Variants in PDE1C observed in about 807,000 individuals in gnomAD.
PDE1C encodes the protein dual specificity calcium/calmodulin-dependent 3',5'-cyclic nucleotide phosphodiesterase 1C.
In PDE1C, 62 loss-of-function variants were observed where a neutral mutation model predicts 93.1. That is an observed-to-expected ratio of 0.67 (90% confidence interval 0.54 to 0.82). The LOEUF (loss-of-function observed/expected upper bound fraction) is 0.82, where lower values mean the gene tolerates loss of function less well. Ranked by LOEUF, PDE1C falls within the 40% of genes least tolerant of loss-of-function variation. The pLI is 0.00. For missense variants in PDE1C, 742 were observed against 884.6 expected (o/e 0.84, Z 2.04); for synonymous variants, 325 against 310.1 (o/e 1.05, Z -0.50).
chr7:32,395,495 G>C (rs1041473705), intron 1 of PDE1C, among the ~76,000 whole-genome samples: 3 of 152,168 alleles, frequency 2.0e-5, no homozygotes, highest in Non-Finnish European at 2.9e-5. Context: ...GGTGAGGTGG[G>C]GGGTAGTGGT....
At chr7:32,340,346 G>A (rs1347453242) in intron 1 of PDE1C, among the ~76,000 whole-genome samples, 1 of 151,942 alleles carries the variant, frequency 6.6e-6, no homozygotes, top group Non-Finnish European at 1.5e-5. Context: ...AGAGAATAGG[G>A]AGTGAATGTG....
intron 2 of PDE1C, among the ~76,000 whole-genome samples, chr7:31,930,681 A>G (rs1804078176): frequency 6.6e-6 from 1 of 151,552 alleles, no homozygotes; most frequent in African/African-American, 2.4e-5. Context: ...TCTACTAAAA[A>G]TACAAAATAA....
chr7:31,803,337 G>A (rs564103054), intron 16 of PDE1C, among the ~76,000 whole-genome samples: 76 of 151,832 alleles, frequency 5.0e-4, no homozygotes, highest in Non-Finnish European at 7.7e-4. Flanking sequence ...TTATGTATTT[G>A]TCTGCTAATT....
intron 3 of PDE1C, among the ~76,000 whole-genome samples, chr7:32,100,092 C>T (rs1797971206): frequency 6.6e-6 from 1 of 152,184 alleles, no homozygotes; most frequent in Non-Finnish European, 1.5e-5. Context: ...AGAAGAGTCC[C>T]TTAGACTCCA....
chr7:31,651,904 GTTAAA>G, the PDE1C span: 1 of 1,468,484 alleles, frequency 6.8e-7, no homozygotes, highest in East Asian at 2.5e-5. Context: ...GGGAAGGATT[GTTAAA>G]TTTGGTTATT....
chr7:31,783,318 A>G (rs1437286126), intron 16 of PDE1C, among the ~76,000 whole-genome samples: 1 of 152,166 alleles, frequency 6.6e-6, no homozygotes, highest in Non-Finnish European at 1.5e-5. Flanking sequence ...AGGTGAAATG[A>G]AACGTGATAT....
chr7:31,937,332 T>C (rs1034891214), intron 2 of PDE1C, among the ~76,000 whole-genome samples: 3 of 152,230 alleles, frequency 2.0e-5, no homozygotes, highest in Non-Finnish European at 4.4e-5. Flanking sequence ...TTTATTTCTT[T>C]CAGGACCTGC....
At chr7:32,149,499 T>C (rs906728300) in intron 3 of PDE1C, among the ~76,000 whole-genome samples, 2 of 152,224 alleles carry the variant, frequency 1.3e-5, no homozygotes, top group African/African-American at 2.4e-5. Context: ...TGAACAAAGA[T>C]GTCCATCACG....
rs187441229 is a variant in PDE1C at position 31,801,307 on chromosome 7, T to C, written c.1891+7724A>G. On this transcript the variant is annotated intron_variant, in intron 16 of 17. Transcript: ENST00000396191. ...AACATTATTAAAAATTCTACAGATA[T>C]TAAAAGAATAATAACATAATACAAA... Among the ~76,000 whole-genome samples, 284 of 151,462 alleles carry C rather than the reference T, an allele frequency of 1.9e-3. 1 individual carries two copies. Among genetic ancestry groups the C allele is most frequent in the African/African-American group, 6.6e-3 (275 of 41,462 alleles).
intron 2 of PDE1C, among the ~76,000 whole-genome samples, chr7:32,011,479 A>C (rs924226589): frequency 2.0e-5 from 3 of 152,236 alleles, no homozygotes; most frequent in African/African-American, 7.2e-5. Flanking sequence ...GGCATGAGCC[A>C]CCACACCCAG....
chr7:31,765,143 C>A (rs577744486), intron 17 of PDE1C, among the ~76,000 whole-genome samples: 8 of 152,202 alleles, frequency 5.3e-5, no homozygotes, highest in East Asian at 1.9e-4. Flanking sequence ...ATTTTTTGAG[C>A]CTTCTTTCCC....
At chr7:31,954,301 AG>A (rs1807827599) in intron 2 of PDE1C, among the ~76,000 whole-genome samples, 2 of 152,150 alleles carry the variant, frequency 1.3e-5, no homozygotes, top group Admixed American at 6.5e-5. Context: ...GGGGCTTCGG[AG>A]GCTGTAGCAG....
chr7:32,316,316 G>C (rs1783170447), intron 1 of PDE1C, among the ~76,000 whole-genome samples: 1 of 152,134 alleles, frequency 6.6e-6, no homozygotes, highest in Non-Finnish European at 1.5e-5. Context: ...GTATGAGATG[G>C]TCCATGTTTA....
chr7:31,757,847 C>A (rs1022203912), intron 17 of PDE1C, among the ~76,000 whole-genome samples: 1 of 152,132 alleles, frequency 6.6e-6, no homozygotes, highest in Non-Finnish European at 1.5e-5. Context: ...CACATGCACA[C>A]GTATGTTTAT....
At chr7:31,727,282 T>C in the PDE1C span, among the ~76,000 whole-genome samples, 1 of 152,230 alleles carries the variant, frequency 6.6e-6, no homozygotes, top group Non-Finnish European at 1.5e-5. Context: ...AGTGTGTTTC[T>C]GGTGGCCTTT....
intron 3 of PDE1C, among the ~76,000 whole-genome samples, chr7:32,122,388 T>C (rs60317817): frequency 1.8e-3 from 278 of 152,296 alleles, no homozygotes; most frequent in African/African-American, 6.4e-3. Flanking sequence ...TCCACAGAAC[T>C]TTCCACCCCA....
chr7:31,753,756 A>G (rs1794262118), intron 17 of PDE1C, among the ~76,000 whole-genome samples: 1 of 152,230 alleles, frequency 6.6e-6, no homozygotes, highest in Non-Finnish European at 1.5e-5. Context: ...AAATAAATAA[A>G]TGGAAGAAAT....
intron 3 of PDE1C, among the ~76,000 whole-genome samples, chr7:32,097,018 C>T (rs1250239445): frequency 1.3e-5 from 2 of 152,204 alleles, no homozygotes; most frequent in African/African-American, 4.8e-5. Context: ...AGGCTCAGGA[C>T]TCAAGAAGAG....
At chr7:32,362,881 T>C (rs1191486256) in intron 1 of PDE1C, among the ~76,000 whole-genome samples, 1 of 152,224 alleles carries the variant, frequency 6.6e-6, no homozygotes, top group Non-Finnish European at 1.5e-5. Flanking sequence ...GGGTGGCACC[T>C]GGCAGTCAGG....
Sources: gnomAD v4.1 joint callset for allele counts (sites outside exome capture counted in the v4.1 genomes callset) on GRCh38, gnomAD v4.1.1 for gene constraint, MANE v1.5 for transcripts, NCBI Gene and HGNC (gene_info 2026-07-23, HGNC 2026-07-21) for gene names.